The following PLCH2 variants were observed in gnomAD, a reference collection of about 807,000 sequenced individuals.
PLCH2 encodes the protein phospholipase C eta 2.
PLCH2 carries 98 observed loss-of-function variants against 134.7 expected under a neutral mutation model. That is an observed-to-expected ratio of 0.73 (90% confidence interval 0.62 to 0.86). The LOEUF is 0.86. Among genes scored for constraint, PLCH2 ranks in the 40% least tolerant of loss-of-function variants. PLCH2 has a pLI of 0.00. For missense variants in PLCH2, 1,994 were observed against 1,986.6 expected, an observed-to-expected ratio of 1.00 and a Z score of -0.07; for synonymous variants, 974 against 827.5, an observed-to-expected ratio of 1.18 and a Z score of -3.04.
At chr1:2,464,360 A>G (rs940950745), upstream of PLCH2, among the ~76,000 whole-genome samples, 3 of 152,296 alleles carry the variant, frequency 2.0e-5, no homozygotes, top group South Asian at 2.1e-4. Flanking sequence ...CGGGCTCAGA[A>G]TTGGCAATCC....
intron 5 of PLCH2, 51 bp from the exon 6 acceptor site, chr1:2,486,856 A>T (rs1252501557): frequency 7.0e-7 from 1 of 1,430,756 alleles, no homozygotes; most frequent in Non-Finnish European, 9.7e-7. Context: ...GCCTGAGGCT[A>T]TCCCAGGCCA....
chr1:2,443,787 G>A (rs1388038126), intron 2 of PLCH2, among the ~76,000 whole-genome samples: 1 of 147,536 alleles, frequency 6.8e-6, no homozygotes, highest in African/African-American at 2.4e-5. Context: ...GTGTCACCGC[G>A]CACAGCCCGC....
intron 2 of PLCH2, among the ~76,000 whole-genome samples, chr1:2,452,631 G>A (rs1283420462): frequency 1.3e-5 from 2 of 152,242 alleles, no homozygotes; most frequent in East Asian, 3.9e-4. Flanking sequence ...GAGAGCAGCA[G>A]ATGGGCCCAG....
rs1639862868 is a variant in PLCH2, at chr1:2,444,758, A to G, written c.115+14129A>G. On this transcript the variant is annotated intron_variant, in intron 2 of 3. Transcript: ENST00000609981. The surrounding 1 kb of genome is among the most constrained non-coding windows in gnomAD (Gnocchi z 4.6). ...CCACTGTGACCACTGAGACCACTGG[A>G]ACTGCCCTTCCCCCATGGCCTTCTC... 1.3e-5 allele frequency among the ~76,000 whole-genome samples: 2 copies of G among 151,894 alleles called. No homozygotes were observed. Among genetic ancestry groups the G allele is most frequent in the South Asian group, 4.2e-4 (2 of 4,780 alleles).
chr1:2,481,261 G>A (rs557784197), intron 4 of PLCH2, among the ~76,000 whole-genome samples: 113 of 152,260 alleles, frequency 7.4e-4, no homozygotes, highest in Non-Finnish European at 1.4e-3. Context: ...GGGTGTGTGC[G>A]TGAGTTAGGG....
In PLCH2 at chr1:2,489,812, C is replaced by T. The variant is rs1236895837; in HGVS notation, c.1460C>T (p.Ser487Phe). ...GAGGATGCGGAGGAAGGCGAGGTGT[C>T]TGATGAGGACAGTGCTGATGAGATT... is the stretch of plus-strand genomic sequence containing the variant. ...ISEDAEEGEVSDEDSADEIDD... is the reference protein window; with the variant it reads ...ISEDAEEGEVFDEDSADEIDD... Residue 487 changes from serine to phenylalanine, a missense_variant, in exon 10 of 22, where the codon TCT (serine) becomes TTT (phenylalanine). Around this residue, in one of 2 missense-constraint regions of PLCH2, gnomAD observed 1,094 missense variants for 1,234.3 expected, o/e 0.89. Coordinates refer to ENST00000378486, the MANE Select transcript of PLCH2 (RefSeq NM_014638.4). 1 of 1,613,800 alleles carries T rather than the reference C, an allele frequency of 6.2e-7. No individual in the cohort carries two copies. Among genetic ancestry groups the T allele is most frequent in the Non-Finnish European group, 8.5e-7 (1 of 1,179,858 alleles).
At chr1:2,483,119 C>A (rs1642065676) in intron 4 of PLCH2, among the ~76,000 whole-genome samples, 1 of 152,196 alleles carries the variant, frequency 6.6e-6, no homozygotes, top group Non-Finnish European at 1.5e-5. Flanking sequence ...GGATGCAGCA[C>A]CTCCTCGACT....
At chr1:2,503,732 C>A in intron 21 of PLCH2, 190 bp from the exon 22 acceptor site, 1 of 619,460 alleles carries the variant, frequency 1.6e-6, no homozygotes, top group Non-Finnish European at 2.9e-6. Flanking sequence ...GCCCCAGCAG[C>A]AGCAGGGTGG....
chr1:2,455,240 G>A (rs1640433705), intron 2 of PLCH2, among the ~76,000 whole-genome samples: 1 of 152,212 alleles, frequency 6.6e-6, no homozygotes, highest in Non-Finnish European at 1.5e-5. Context: ...GCGGGCACCT[G>A]GAACTGGACG....
In PLCH2 at chr1:2,499,176, A is replaced by G; in HGVS notation, c.2527A>G (p.Ile843Val). 1 of 1,613,234 alleles carries G rather than the reference A, an allele frequency of 6.2e-7. No homozygotes were observed. The highest frequency in any genetic ancestry group is 1.1e-5 in the South Asian group (1 of 91,066). The stretch of plus-strand genomic sequence containing the variant: ...CTTCCTCGTCTGGGACCACGATCCC[A>G]TCGGGCGTGACTTCATTGGCCAGAG... ...VRFLVWDHDP[I>V]GRDFIGQRTL... is the part of the protein sequence containing the mutation. Residue 843 changes from isoleucine (I) to valine (V), a missense_variant, in exon 19 of 22, where the codon ATC becomes GTC. Ile to Val is a conservative substitution (Grantham distance 29, BLOSUM62 3). Transcript: ENST00000378486.
intron 11 of PLCH2, chr1:2,493,304 G>A (rs1246452394): frequency 6.6e-6 from 1 of 152,278 alleles, no homozygotes; most frequent in Non-Finnish European, 1.5e-5. Flanking sequence ...CAGCATTTTG[G>A]GGATGTTTAA....
Position 2,436,267 on chromosome 1 carries a change from T to A in PLCH2, c.115+5638T>A, listed in dbSNP as rs1172414293. Among the ~76,000 whole-genome samples, 32 of 41,134 alleles carry A rather than the reference T, an allele frequency of 7.8e-4. 1 individual carries two copies. Among genetic ancestry groups the A allele is most frequent in the African/African-American group, 2.0e-3 (19 of 9,714 alleles). 27.0% of individuals were successfully genotyped at this position (41,134 alleles called of 152,430 possible). On this transcript the variant is annotated intron_variant, in intron 2 of 3. Transcript: ENST00000609981. The stretch of plus-strand genomic sequence containing the variant: ...TCCCTCCTCCCCTCCTCCCTCCTCC[T>A]CCTTTCCTCCTTCCTCCCTCCTCCT...
chr1:2,490,839 C>T (rs943474605), intron 10 of PLCH2, among the ~76,000 whole-genome samples: 3 of 152,260 alleles, frequency 2.0e-5, no homozygotes, highest in African/African-American at 7.2e-5. Context: ...GCGTCCAACC[C>T]AGCTCAGAGG....
At chr1:2,479,623 C>A in intron 2 of PLCH2, 111 bp from the exon 3 acceptor site, 1 of 1,188,176 alleles carries the variant, frequency 8.4e-7, no homozygotes, top group Non-Finnish European at 1.2e-6. Context: ...GAGGGTCCCG[C>A]AAAGGTGGGC....
chr1:2,426,472 C>T (rs1638801721), intron 1 of PLCH2, among the ~76,000 whole-genome samples: 1 of 152,336 alleles, frequency 6.6e-6, no homozygotes, highest in Admixed American at 6.5e-5. Context: ...CCTCCTGAGT[C>T]CCCATGGGGT....
chr1:2,474,677 C>T (rs929622905), upstream of PLCH2, among the ~76,000 whole-genome samples: 8 of 152,166 alleles, frequency 5.3e-5, no homozygotes, highest in Middle Eastern at 3.4e-3. Context: ...GGGTGAGAGA[C>T]GGGAGCACCC....
chr1:2,497,107 G>A (rs1038760199), intron 15 of PLCH2, 97 bp downstream of exon 15: 12 of 1,244,392 alleles, frequency 9.6e-6, no homozygotes, highest in East Asian at 5.1e-5. Flanking sequence ...CTGGGGCCTC[G>A]GTTCTGTCCT....
intron 2 of PLCH2, among the ~76,000 whole-genome samples, chr1:2,434,672 C>A (rs902606223): frequency 1.3e-5 from 2 of 152,216 alleles, no homozygotes; most frequent in Non-Finnish European, 2.9e-5. Flanking sequence ...CCCTTCCCCC[C>A]ACAGCCAGCA....
rs890381419 is a variant in PLCH2, at chr1:2,498,007, C to G, written c.2224+398C>G. Reference sequence around the variant, plus strand: ...GAACCTCCTCCCGGCTCTCAGACACCTCTGTTTTGTCTGCTGTGGATGACT... The same window carrying G: ...GAACCTCCTCCCGGCTCTCAGACACGTCTGTTTTGTCTGCTGTGGATGACT... On this transcript the variant is annotated intron_variant, in intron 16 of 21. Coordinates refer to ENST00000378486, the MANE Select transcript of PLCH2 (RefSeq NM_014638.4). This position sits in a 1 kb window ranked among gnomAD's most constrained non-coding sequence, Gnocchi z 5.4. 1 of 249,928 alleles carries G rather than the reference C, an allele frequency of 4.0e-6. No homozygotes were observed. The highest frequency in any genetic ancestry group is 2.2e-5 in the African/African-American group (1 of 45,550). 15.5% of individuals were successfully genotyped at this position (249,928 alleles called of 1,614,324 possible).
Sources: allele counts gnomAD v4.1 joint callset (sites outside exome capture counted in the v4.1 genomes callset), GRCh38; gene constraint gnomAD v4.1.1; regional missense constraint gnomAD v4.1.1; non-coding constraint Gnocchi (gnomAD v3.1); transcripts MANE v1.5; gene names NCBI Gene and HGNC (gene_info 2026-07-23, HGNC 2026-07-21).